ZNF536: variants seen among roughly 807,000 people sequenced by gnomAD.
ZNF536 encodes the protein zinc finger protein 536.
ZNF536 carries 13 observed loss-of-function variants against 84.5 expected under a neutral mutation model. The ratio of observed to expected loss-of-function variants is 0.15; its 90% CI spans 0.10 to 0.24. The LOEUF (loss-of-function observed/expected upper bound fraction) is 0.24, where lower values mean the gene tolerates loss of function less well. Ranked by LOEUF, ZNF536 falls within the 10% of genes least tolerant of loss-of-function variation. The pLI is 1.00. For missense variants in ZNF536, 1,536 were observed against 1,747.5 expected (o/e 0.88, Z 2.16); for synonymous variants, 811 against 742.5 (o/e 1.09, Z -1.50).
Position 30,444,810 on chromosome 19 carries a change from C to T in ZNF536, c.1248C>T (p.Gly416=), listed in dbSNP as rs1210438094. 3.3e-5 allele frequency: 53 copies of T among 1,613,756 alleles called. 1 individual carries two copies. Among genetic ancestry groups the T allele is most frequent in the Non-Finnish European group, 4.2e-5 (50 of 1,180,054 alleles). ...ACCCCGAGGTGCCTGTGCCCATGGG[C>T]GGCATGTCCCAGGAGGCCCACGCCA... ...PSDPEVPVPM[G]GMSQEAHANL... is the part of the protein sequence containing the mutation. The change falls in exon 2 of 5, where the codon GGC becomes GGT. Residue 416 remains glycine, a synonymous_variant. Transcript: ENST00000355537.
intron 1 of ZNF536, among the ~76,000 whole-genome samples, chr19:30,242,084 G>A (rs1157642532): frequency 6.6e-6 from 1 of 152,092 alleles, no homozygotes; most frequent in African/African-American, 2.4e-5. Context: ...CCTGTGGGAG[G>A]GCATCCATGG....
chr19:30,570,471 C>A (rs894206443), intron 1 of ZNF536, among the ~76,000 whole-genome samples: 1 of 152,122 alleles, frequency 6.6e-6, no homozygotes, highest in Non-Finnish European at 1.5e-5. Context: ...TTATTGTGCA[C>A]GTAGATATTA....
In ZNF536 at chr19:30,479,997, C is replaced by T. The variant is rs142828279; in HGVS notation, c.2170+34265C>T. Among the ~76,000 whole-genome samples the T allele has an allele frequency of 4.1e-3, 620 of 152,344 alleles. 6 individuals carry two copies. Among genetic ancestry groups the T allele is most frequent in the African/African-American group, 0.014 (595 of 41,588 alleles). ...GCTCTGGGGATTGCTGTTCCCCCTT[C>T]TAGGCTTGCCTCAACTTTTGTGAAA... On this transcript the variant is annotated intron_variant, in intron 2 of 4. Transcript: ENST00000355537.
rs1164124784 is a variant in ZNF536, at chr19:30,249,599, G to A, written c.-190+20926G>A. Among the ~76,000 whole-genome samples the A allele has an allele frequency of 3.9e-5, 6 of 152,306 alleles. No homozygotes were observed. The East Asian group carries it at 1.2e-3, about 29-fold the overall frequency. On this transcript the variant is annotated intron_variant, in intron 1 of 5. Transcript: ENST00000585628. The stretch of plus-strand genomic sequence containing the variant: ...GCCTGGGAGTTCGAGGCTTCAGTGA[G>A]CCCTGACTGCACCCCACCTTGGGTG...
At chr19:30,700,650 G>GGATTTTCAGGC (rs1359358588) in intron 1 of ZNF536, among the ~76,000 whole-genome samples, 7 of 152,152 alleles carry the variant, frequency 4.6e-5, no homozygotes, top group Non-Finnish European at 1.0e-4. Flanking sequence ...GCCTCCTAAA[G>GGATTTTCAGGC]CTGTGGAATT....
intron 3 of ZNF536, among the ~76,000 whole-genome samples, chr19:30,361,898 G>T (rs1180032713): frequency 6.6e-6 from 1 of 152,176 alleles, no homozygotes; most frequent in Non-Finnish European, 1.5e-5. Context: ...TAAGACAAAG[G>T]CTCCTGTGTC....
chr19:30,689,825 T>C (rs1048928507), intron 1 of ZNF536, among the ~76,000 whole-genome samples: 5 of 151,862 alleles, frequency 3.3e-5, no homozygotes, highest in East Asian at 3.9e-4. Context: ...AAGAGAAGAA[T>C]AAAAAAACAG....
At chr19:30,287,978 C>A (rs60755974) in intron 2 of ZNF536, among the ~76,000 whole-genome samples, 35,358 of 152,108 alleles carry the variant, frequency 0.23, 5,030 homozygotes, top group East Asian at 0.54. Flanking sequence ...CCTTTATTTT[C>A]AAAATCTAAT....
intron 1 of ZNF536, among the ~76,000 whole-genome samples, chr19:30,266,159 C>T (rs1230948054): frequency 1.3e-5 from 2 of 152,224 alleles, no homozygotes; most frequent in African/African-American, 2.4e-5. Context: ...AGCAATCCTC[C>T]CATCTCAGCC....
chr19:30,471,831 A>AT (rs952871010), intron 2 of ZNF536, among the ~76,000 whole-genome samples: 5 of 152,076 alleles, frequency 3.3e-5, no homozygotes, highest in East Asian at 3.9e-4. Flanking sequence ...CAACTCTGTA[A>AT]TTTTTTTTTA....
chr19:30,253,939 C>T (rs952441769), intron 1 of ZNF536, among the ~76,000 whole-genome samples: 1 of 151,770 alleles, frequency 6.6e-6, no homozygotes. Flanking sequence ...TTTTTTTTCC[C>T]CTTCCAAAAG....
intron 1 of ZNF536, among the ~76,000 whole-genome samples, chr19:30,590,221 G>A (rs561182487): frequency 8.5e-5 from 13 of 152,158 alleles, no homozygotes; most frequent in Non-Finnish European, 1.5e-4. Flanking sequence ...CTTGGTGGGC[G>A]TCCTTCTGGC....
chr19:30,610,470 G>A (rs567516315), intron 1 of ZNF536, among the ~76,000 whole-genome samples: 3 of 152,186 alleles, frequency 2.0e-5, no homozygotes, highest in Non-Finnish European at 4.4e-5. Flanking sequence ...GTCTGTGGAT[G>A]GCTGCTCCAT....
chr19:30,659,528 A>C lies in ZNF536; in HGVS notation c.170-51229A>C, dbSNP rs577446659. ...CCCAAGACTGGGTAATTTATAAAGA[A>C]AAAGAGGTTTAAAGGACTCACAGTT... is the stretch of plus-strand genomic sequence containing the variant. On this transcript the variant is annotated intron_variant, in intron 1 of 1. Transcript: ENST00000592773. Among the ~76,000 whole-genome samples, 3 of 150,442 alleles carry C rather than the reference A, an allele frequency of 2.0e-5. No individual in the cohort carries two copies. The South Asian group carries it at 6.4e-4, about 32-fold the overall frequency.
chr19:30,326,811 T>TTTTTTTG (rs1568333999), intron 2 of ZNF536, among the ~76,000 whole-genome samples: 2 of 134,082 alleles, frequency 1.5e-5, no homozygotes, highest in African/African-American at 2.9e-5. Flanking sequence ...TTTTTTTTTT[T>TTTTTTTG]TTTTTTTGTT....
chr19:30,417,290 C>A (rs1319823713), intron 1 of ZNF536, among the ~76,000 whole-genome samples: 1 of 151,684 alleles, frequency 6.6e-6, no homozygotes, highest in Admixed American at 6.6e-5. Context: ...AGCCACTGTG[C>A]CCGGCCCTGA....
At chr19:30,397,611 C>T (rs2049875291) in intron 1 of ZNF536, among the ~76,000 whole-genome samples, 1 of 152,166 alleles carries the variant, frequency 6.6e-6, no homozygotes, top group African/African-American at 2.4e-5. Context: ...TTTATATTGC[C>T]ATTTCCACCA....
chr19:30,672,241 G>A (rs1192703809), intron 1 of ZNF536, among the ~76,000 whole-genome samples: 1 of 152,222 alleles, frequency 6.6e-6, no homozygotes, highest in Non-Finnish European at 1.5e-5. Flanking sequence ...CCCTGGAGGA[G>A]TCTGTGTGTG....
chr19:30,386,235 T>A (rs2049335759), intron 1 of ZNF536, among the ~76,000 whole-genome samples: 1 of 152,148 alleles, frequency 6.6e-6, no homozygotes, highest in African/African-American at 2.4e-5. Context: ...AAAACTCACC[T>A]CACTACAGAA....
Sources: gnomAD v4.1 joint callset for allele counts (sites outside exome capture counted in the v4.1 genomes callset) on GRCh38, gnomAD v4.1.1 for gene constraint, MANE v1.5 for transcripts, NCBI Gene and HGNC (gene_info 2026-07-23, HGNC 2026-07-21) for gene names.